Variants in AKAP6 observed in about 807,000 individuals in gnomAD.
AKAP6 encodes the protein A-kinase anchor protein 6.
Under a neutral mutation model 188.5 loss-of-function variants are expected in AKAP6, and 58 were observed. That is an observed-to-expected ratio of 0.31 (90% CI 0.25 to 0.38). AKAP6 has a LOEUF of 0.38. Ranked by LOEUF, AKAP6 falls within the 10% of genes least tolerant of loss-of-function variation. AKAP6 has a pLI of 1.00. For missense variants in AKAP6, 2,710 were observed against 2,740.0 expected (o/e 0.99, Z 0.24); for synonymous variants, 989 against 998.6 (o/e 0.99, Z 0.18).
intron 1 of AKAP6, among the ~76,000 whole-genome samples, chr14:32,431,268 T>G (rs1890214922): frequency 6.6e-6 from 1 of 152,162 alleles, no homozygotes; most frequent in African/African-American, 2.4e-5. Context: ...GTATTATTAT[T>G]ACTTGTAAAA....
At chr14:32,690,317 G>A (rs757954084) in intron 8 of AKAP6, among the ~76,000 whole-genome samples, 2 of 151,984 alleles carry the variant, frequency 1.3e-5, no homozygotes, top group African/African-American at 4.8e-5. Flanking sequence ...AAACTTTATC[G>A]TTTAAGCAAA....
intron 8 of AKAP6, among the ~76,000 whole-genome samples, chr14:32,685,080 A>AC (rs200586447): frequency 5.2e-4 from 61 of 117,492 alleles, no homozygotes; most frequent in East Asian, 1.7e-3. Context: ...ACATAGTAAG[A>AC]CCCCCCCCTA....
chr14:32,590,451 C>T (rs990624551), intron 5 of AKAP6, among the ~76,000 whole-genome samples: 1 of 151,940 alleles, frequency 6.6e-6, no homozygotes, highest in African/African-American at 2.4e-5. Flanking sequence ...AGAAACAAAA[C>T]AAAACAAAAC....
intron 7 of AKAP6, among the ~76,000 whole-genome samples, chr14:32,634,931 G>T (rs939886474): frequency 1.3e-5 from 2 of 151,652 alleles, no homozygotes; most frequent in South Asian, 2.1e-4. Flanking sequence ...TGGGGAACGG[G>T]TGGTGATTAG....
At chr14:32,705,024 G>A (rs1268883959) in intron 9 of AKAP6, among the ~76,000 whole-genome samples, 1 of 152,182 alleles carries the variant, frequency 6.6e-6, no homozygotes, top group Non-Finnish European at 1.5e-5. Flanking sequence ...TAAGGCGCAA[G>A]GGAAAAGTTT....
Position 32,773,686 on chromosome 14 carries a change from T to C in AKAP6, c.3381T>C (p.Cys1127=), listed in dbSNP as rs1338228362. The C allele has an allele frequency of 6.2e-7, 1 of 1,613,918 alleles. No individual in the cohort carries two copies. Among genetic ancestry groups the C allele is most frequent in the Non-Finnish European group, 8.5e-7 (1 of 1,179,870 alleles). ...EKQLQYFKSL[C]REIKQRRRGV... ...TTCTCTCTATGTTGCAGTCCCTCTG[T>C]CGTGAAATCAAGCAACGACGTCGAG... Residue 1127 remains cysteine, a synonymous_variant, in exon 12 of 14, where the codon TGT becomes TGC. Transcript: ENST00000280979.
chr14:32,582,571 T>A (rs1165747542), intron 5 of AKAP6, among the ~76,000 whole-genome samples: 1 of 152,206 alleles, frequency 6.6e-6, no homozygotes, highest in Non-Finnish European at 1.5e-5. Context: ...CAGGATAATA[T>A]CCTGCAGAGT....
intron 7 of AKAP6, among the ~76,000 whole-genome samples, chr14:32,639,356 CT>C (rs779859278): frequency 1.3e-5 from 2 of 152,112 alleles, no homozygotes; most frequent in Non-Finnish European, 2.9e-5. Flanking sequence ...CTATAGCCAT[CT>C]TCATCTATCT....
chr14:32,538,556 TA>T (rs34245092), intron 3 of AKAP6, among the ~76,000 whole-genome samples: 20,572 of 151,292 alleles, frequency 0.14, 1,747 homozygotes, highest in African/African-American at 0.24. Context: ...CCATATCTAG[TA>T]AAAAAAAATT....
At chr14:32,369,537 T>G (rs1887942961) in intron 1 of AKAP6, among the ~76,000 whole-genome samples, 1 of 152,238 alleles carries the variant, frequency 6.6e-6, no homozygotes, top group Non-Finnish European at 1.5e-5. Flanking sequence ...TTATTCACAG[T>G]GATCATCCTT....
intron 5 of AKAP6, among the ~76,000 whole-genome samples, chr14:32,579,032 A>G (rs1436557266): frequency 1.3e-5 from 2 of 152,160 alleles, no homozygotes; most frequent in Admixed American, 1.3e-4. Flanking sequence ...GCATGTGTCT[A>G]TTGTGCATTT....
intron 11 of AKAP6, among the ~76,000 whole-genome samples, chr14:32,742,831 A>C (rs572306152): frequency 9.2e-5 from 14 of 152,252 alleles, no homozygotes; most frequent in African/African-American, 3.4e-4. Context: ...GAGGAAAAAA[A>C]TGTGTATTTT....
intron 7 of AKAP6, among the ~76,000 whole-genome samples, chr14:32,656,261 A>G (rs929698713): frequency 6.6e-6 from 1 of 152,086 alleles, no homozygotes; most frequent in Admixed American, 6.5e-5. Flanking sequence ...CATCAAATTT[A>G]GTTAATTATC....
At chr14:32,775,841 G>T (rs1443870330) in intron 12 of AKAP6, among the ~76,000 whole-genome samples, 4 of 152,178 alleles carry the variant, frequency 2.6e-5, no homozygotes, top group South Asian at 2.1e-4. Context: ...ACAGAGAAAG[G>T]TGTTTCCTTT....
At chr14:32,738,201 G>T (rs1177441562) in intron 11 of AKAP6, among the ~76,000 whole-genome samples, 24 of 152,132 alleles carry the variant, frequency 1.6e-4, no homozygotes, top group Non-Finnish European at 1.9e-4. Flanking sequence ...CAGCTTCAAT[G>T]CCATTGGCTG....
intron 7 of AKAP6, among the ~76,000 whole-genome samples, chr14:32,612,765 G>C (rs1457642074): frequency 6.6e-6 from 1 of 152,104 alleles, no homozygotes; most frequent in African/African-American, 2.4e-5. Flanking sequence ...TTGCTGAAAG[G>C]ATATACTCTG....
chr14:32,781,464 CT>C (rs1238160491), intron 12 of AKAP6, among the ~76,000 whole-genome samples: 1 of 151,938 alleles, frequency 6.6e-6, no homozygotes, highest in African/African-American at 2.4e-5. Flanking sequence ...ACCTAGTTGG[CT>C]TTATAGGTGA....
At position 32,824,179 on chromosome 14, in the gene AKAP6, T is replaced by C; in HGVS notation, c.6366T>C (p.Cys2122=). 3 of 1,613,950 alleles carry C rather than the reference T, an allele frequency of 1.9e-6. No homozygotes were observed. Among genetic ancestry groups the C allele is most frequent in the Non-Finnish European group, 2.5e-6 (3 of 1,179,918 alleles). Residue 2122 remains cysteine (C), a synonymous_variant, in exon 13 of 14, where the codon TGT becomes TGC. Coordinates refer to ENST00000280979, the MANE Select transcript of AKAP6 (RefSeq NM_004274.5). ...CTCTCTCATCTCATGACAGTGATTG[T>C]GGGGAGGTCACCAATTACATAGAAG... ...YLSLSSHDSD[C]GEVTNYIEEK...
At chr14:32,334,750 C>T (rs1886636810) in intron 1 of AKAP6, among the ~76,000 whole-genome samples, 1 of 152,246 alleles carries the variant, frequency 6.6e-6, no homozygotes, top group Middle Eastern at 3.4e-3. Context: ...CGAGCACATA[C>T]CGGTCAGTAA....
Sources: gnomAD v4.1 joint callset for allele counts (sites outside exome capture counted in the v4.1 genomes callset) on GRCh38, gnomAD v4.1.1 for gene constraint, MANE v1.5 for transcripts, NCBI Gene and HGNC (gene_info 2026-07-23, HGNC 2026-07-21) for gene names.